NEK11: variants seen among roughly 807,000 people sequenced by gnomAD.
NEK11 encodes the protein NIMA related kinase 11.
Under a neutral mutation model 80.7 loss-of-function variants are expected in NEK11, and 72 were observed. That is an observed-to-expected ratio of 0.89 (90% CI 0.74 to 1.08). The LOEUF (loss-of-function observed/expected upper bound fraction) is 1.08, where lower values mean the gene tolerates loss of function less well. Ranked by LOEUF, NEK11 falls within the 50% of genes least tolerant of loss-of-function variation. The pLI, the probability that NEK11 is intolerant of heterozygous loss-of-function variation, is 0.00. For synonymous variants in NEK11, 251 were observed against 260.7 expected, an observed-to-expected ratio of 0.96 and a Z score of 0.36; for missense variants, 764 against 763.6, an observed-to-expected ratio of 1.00 and a Z score of -0.01.
At position 131,338,253 on chromosome 3, in the gene NEK11, C is replaced by T. The variant is rs1319037747; in HGVS notation, c.1719-11304C>T. 3.4e-5 allele frequency among the ~76,000 whole-genome samples: 5 copies of T among 145,426 alleles called. No homozygotes were observed. The South Asian group carries it at 8.7e-4, about 25-fold the overall frequency. ...GTGTTGGGATTACAGGCATGAGCCA[C>T]GGCGCCCAGCTGGTTTTTTTTTTTT... is the stretch of plus-strand genomic sequence containing the variant. On this transcript the variant is annotated intron_variant, in intron 17 of 17. Transcript: ENST00000383366.
chr3:131,248,765 A>G (rs1247961405), intron 16 of NEK11, among the ~76,000 whole-genome samples: 2 of 152,292 alleles, frequency 1.3e-5, no homozygotes, highest in African/African-American at 2.4e-5. Flanking sequence ...ATAAAAGATT[A>G]TAGTGTGAAT....
intron 16 of NEK11, among the ~76,000 whole-genome samples, chr3:131,244,010 T>A (rs2095558463): frequency 6.6e-6 from 1 of 151,966 alleles, no homozygotes; most frequent in African/African-American, 2.4e-5. Flanking sequence ...ATTTTTTTTT[T>A]AATCTGAGAA....
intron 14 of NEK11, among the ~76,000 whole-genome samples, chr3:131,209,970 T>C (rs2094559918): frequency 6.6e-6 from 1 of 152,220 alleles, no homozygotes; most frequent in South Asian, 2.1e-4. Flanking sequence ...GGTTTTTTTG[T>C]GTCTCTAGCT....
chr3:131,108,257 T>C (rs372739313), intron 4 of NEK11, among the ~76,000 whole-genome samples: 3 of 152,164 alleles, frequency 2.0e-5, no homozygotes, highest in African/African-American at 7.2e-5. Flanking sequence ...TATTGTTTCA[T>C]TAGAAGTAAT....
Position 131,335,545 on chromosome 3 carries a change from T to C in NEK11, c.1719-14012T>C, listed in dbSNP as rs554175940. ...GGGCAAAAACTGGAAGCATTCCCTT[T>C]GAAAACTGGCACAAGCCAGGGATGC... On this transcript the variant is annotated intron_variant, in intron 17 of 17. Coordinates refer to ENST00000383366, the MANE Select transcript of NEK11 (RefSeq NM_024800.5). Among the ~76,000 whole-genome samples, 330 of 152,310 alleles carry C rather than the reference T, an allele frequency of 2.2e-3. 5 individuals carry two copies. The highest frequency in any genetic ancestry group is 7.7e-4 in the East Asian group (4 of 5,190).
chr3:131,057,112 C>T (rs1182249425), intron 3 of NEK11, among the ~76,000 whole-genome samples: 1 of 145,358 alleles, frequency 6.9e-6, no homozygotes, highest in African/African-American at 2.6e-5. Flanking sequence ...TGTTCGATTC[C>T]CATCTATGAG....
intron 4 of NEK11, among the ~76,000 whole-genome samples, chr3:131,087,636 CAT>C (rs1041242808): frequency 1.6e-4 from 25 of 152,294 alleles, no homozygotes; most frequent in African/African-American, 5.8e-4. Flanking sequence ...GAAATTTCCT[CAT>C]ATGTTTCTTT....
At chr3:131,032,440 T>C (rs1479218108) in intron 3 of NEK11, among the ~76,000 whole-genome samples, 1 of 152,262 alleles carries the variant, frequency 6.6e-6, no homozygotes, top group Non-Finnish European at 1.5e-5. Context: ...GCCACATTCC[T>C]ACCTCTCCTT....
chr3:131,250,856 G>A (rs1310196608), intron 16 of NEK11, among the ~76,000 whole-genome samples: 1 of 152,032 alleles, frequency 6.6e-6, no homozygotes, highest in East Asian at 1.9e-4. Context: ...ACTAAACAAA[G>A]TGAAAAATCC....
At chr3:131,300,736 G>A (rs1438844373) in intron 17 of NEK11, among the ~76,000 whole-genome samples, 1 of 152,024 alleles carries the variant, frequency 6.6e-6, no homozygotes, top group Non-Finnish European at 1.5e-5. Flanking sequence ...CCATTGTTCT[G>A]TGTGTCTGTT....
In NEK11 at chr3:131,349,669, GT is replaced by G; in HGVS notation, c.1832del (p.Val611GlyfsTer22). ...EAEIRECLEK[V>X]VPQASDCFEV... ...AGAGATCCGCGAGTGTTTGGAAAAA[GT>G]GGTGCCTCAAGCCAGCGACTGTTTT... On this transcript the variant is annotated frameshift_variant, in exon 18 of 18. Transcript: ENST00000383366. LOFTEE classifies it low-confidence loss of function (END_TRUNC). 1 of 1,614,174 alleles carries G rather than the reference GT, an allele frequency of 6.2e-7. No individual in the cohort carries two copies. Among genetic ancestry groups the G allele is most frequent in the Non-Finnish European group, 8.5e-7 (1 of 1,180,022 alleles).
intron 15 of NEK11, among the ~76,000 whole-genome samples, chr3:131,233,476 G>T (rs139959256): frequency 3.9e-5 from 6 of 152,248 alleles, no homozygotes; most frequent in African/African-American, 9.6e-5. Flanking sequence ...CAACTCTGAT[G>T]CATATATTCT....
At chr3:131,330,603 A>G (rs2110029881) in intron 17 of NEK11, 1 of 152,334 alleles carries the variant, frequency 6.6e-6, no homozygotes, top group Admixed American at 6.5e-5. Flanking sequence ...CCAATTTCCT[A>G]AAATTTAAAT....
chr3:131,296,980 A>G (rs1338521728), intron 17 of NEK11, among the ~76,000 whole-genome samples: 9 of 152,194 alleles, frequency 5.9e-5, no homozygotes, highest in African/African-American at 2.2e-4. Context: ...GTCCCTACAA[A>G]GGAAATGAAC....
chr3:131,217,001 T>C (rs1320970796), intron 14 of NEK11, among the ~76,000 whole-genome samples: 2 of 152,032 alleles, frequency 1.3e-5, no homozygotes, highest in Admixed American at 1.3e-4. Flanking sequence ...AAAGGAACAA[T>C]TGTGGGTCTC....
intron 14 of NEK11, among the ~76,000 whole-genome samples, chr3:131,195,847 A>G (rs1206883753): frequency 7.0e-6 from 1 of 143,258 alleles, no homozygotes; most frequent in African/African-American, 2.7e-5. Flanking sequence ...TATACACCCT[A>G]TTGGTATGTA....
intron 16 of NEK11, among the ~76,000 whole-genome samples, chr3:131,260,222 G>A (rs1002057054): frequency 1.3e-4 from 19 of 151,930 alleles, no homozygotes; most frequent in Admixed American, 6.6e-4. Context: ...CATGAAACTC[G>A]TTATTTGGTT....
At chr3:131,113,510 T>G (rs2080467403) in intron 5 of NEK11, among the ~76,000 whole-genome samples, 1 of 152,108 alleles carries the variant, frequency 6.6e-6, no homozygotes, top group Non-Finnish European at 1.5e-5. Context: ...AATGCATGGT[T>G]GAACTAGTGG....
intron 17 of NEK11, among the ~76,000 whole-genome samples, chr3:131,288,906 G>A (rs2096510883): frequency 6.6e-6 from 1 of 152,136 alleles, no homozygotes; most frequent in Non-Finnish European, 1.5e-5. Flanking sequence ...TGAAATGCAA[G>A]GGTAGATAGT....
Sources: gnomAD v4.1 joint callset for allele counts (sites outside exome capture counted in the v4.1 genomes callset) on GRCh38, gnomAD v4.1.1 for gene constraint, MANE v1.5 for transcripts, NCBI Gene and HGNC (gene_info 2026-07-23, HGNC 2026-07-21) for gene names.